The following RERE variants were observed in gnomAD, a reference collection of about 807,000 sequenced individuals.
RERE encodes arginine-glutamic acid dipeptide repeats.
RERE carries 40 observed loss-of-function variants against 146.1 expected under a neutral mutation model. The ratio of observed to expected loss-of-function variants is 0.27; its 90% CI spans 0.21 to 0.36. The LOEUF is 0.36. RERE is among the 10% of genes least tolerant of loss of function. The pLI is 1.00. For synonymous variants in RERE, 1,003 were observed against 866.0 expected, an observed-to-expected ratio of 1.16 and a Z score of -2.78; for missense variants, 1,933 against 2,138.7, an observed-to-expected ratio of 0.90 and a Z score of 1.90.
intron 1 of RERE, among the ~76,000 whole-genome samples, chr1:8,797,661 A>G (rs1569819410): frequency 6.6e-6 from 1 of 152,252 alleles, no homozygotes; most frequent in East Asian, 1.9e-4. Flanking sequence ...ATTTTCCAAA[A>G]AAGTCAGGGT....
At chr1:8,667,187 TA>T (rs1638594853) in intron 1 of RERE, among the ~76,000 whole-genome samples, 2 of 152,208 alleles carry the variant, frequency 1.3e-5, no homozygotes, top group South Asian at 4.2e-4. Flanking sequence ...GACATACTAA[TA>T]ACAAAACACA....
intron 1 of RERE, among the ~76,000 whole-genome samples, chr1:8,784,211 T>A (rs1641220516): frequency 6.6e-6 from 1 of 152,190 alleles, no homozygotes. Context: ...GCTGCAGAAC[T>A]TCACATGGCA....
At chr1:8,776,101 C>G (rs900286473) in intron 1 of RERE, among the ~76,000 whole-genome samples, 3 of 152,152 alleles carry the variant, frequency 2.0e-5, no homozygotes, top group African/African-American at 7.2e-5. Context: ...ATTAGTACAT[C>G]GCTTCCATAC....
At chr1:8,674,694 C>A (rs1215482807) in intron 1 of RERE, among the ~76,000 whole-genome samples, 3 of 152,206 alleles carry the variant, frequency 2.0e-5, no homozygotes, top group Non-Finnish European at 4.4e-5. Flanking sequence ...ACTTGACAAA[C>A]TTCCTCAATT....
chr1:8,567,857 G>A (rs1455671135), intron 4 of RERE, among the ~76,000 whole-genome samples: 1 of 152,184 alleles, frequency 6.6e-6, no homozygotes, highest in Non-Finnish European at 1.5e-5. Flanking sequence ...TGTACGTCAA[G>A]GGGACTTAGC....
intron 1 of RERE, among the ~76,000 whole-genome samples, chr1:8,771,373 A>G (rs1372357380): frequency 6.6e-6 from 1 of 151,820 alleles, no homozygotes; most frequent in Non-Finnish European, 1.5e-5. Flanking sequence ...AATACAAAAA[A>G]ATTAGCCAGA....
chr1:8,457,265 A>T (rs1644462754), intron 11 of RERE, among the ~76,000 whole-genome samples: 1 of 152,230 alleles, frequency 6.6e-6, no homozygotes, highest in Non-Finnish European at 1.5e-5. Flanking sequence ...CCCCATGCTC[A>T]GGTGGTGAGG....
At chr1:8,532,897 T>A (rs897215059) in intron 7 of RERE, among the ~76,000 whole-genome samples, 2 of 151,432 alleles carry the variant, frequency 1.3e-5, no homozygotes, top group Non-Finnish European at 3.0e-5. Flanking sequence ...CCCTGGCCCT[T>A]TTTTTTTGTA....
intron 1 of RERE, among the ~76,000 whole-genome samples, chr1:8,806,612 A>G (rs985100126): frequency 5.3e-5 from 8 of 152,124 alleles, no homozygotes; most frequent in Admixed American, 3.9e-4. Context: ...ATAATACCAT[A>G]CGTTAATATT....
intron 1 of RERE, among the ~76,000 whole-genome samples, chr1:8,791,861 C>G (rs1156436805): frequency 6.6e-6 from 1 of 152,146 alleles, no homozygotes; most frequent in East Asian, 1.9e-4. Flanking sequence ...GAAAACTTGT[C>G]AGAAACCATT....
At chr1:8,652,689 T>C (rs1269461719) in intron 2 of RERE, among the ~76,000 whole-genome samples, 1 of 152,178 alleles carries the variant, frequency 6.6e-6, no homozygotes, top group African/African-American at 2.4e-5. Context: ...CATCATATCC[T>C]GTGAGAACTC....
intron 1 of RERE, among the ~76,000 whole-genome samples, chr1:8,664,744 A>C (rs559333747): frequency 6.6e-6 from 1 of 152,150 alleles, no homozygotes; most frequent in African/African-American, 2.4e-5. Context: ...TCTCAAACTT[A>C]TACCTCCAAA....
intron 3 of RERE, among the ~76,000 whole-genome samples, chr1:8,620,445 C>A (rs1167802266): frequency 6.6e-6 from 1 of 152,200 alleles, no homozygotes. Flanking sequence ...TCTTGTCATT[C>A]AGGTAATTCT....
chr1:8,769,170 A>G (rs1640900253), intron 1 of RERE, among the ~76,000 whole-genome samples: 1 of 152,196 alleles, frequency 6.6e-6, no homozygotes, highest in African/African-American at 2.4e-5. Flanking sequence ...TTTTTACCCA[A>G]TGATTTGAGT....
intron 6 of RERE, among the ~76,000 whole-genome samples, chr1:8,552,109 G>A (rs1377864650): frequency 6.6e-6 from 1 of 152,142 alleles, no homozygotes; most frequent in Non-Finnish European, 1.5e-5. Context: ...AACTGCGAAG[G>A]GCTCAGATTT....
intron 4 of RERE, among the ~76,000 whole-genome samples, chr1:8,589,441 AAAAC>A (rs1378358045): frequency 4.6e-5 from 7 of 152,214 alleles, no homozygotes; most frequent in African/African-American, 7.2e-5. Flanking sequence ...CCCTGTCTCA[AAAAC>A]AAACAAACAA....
At chr1:8,668,973 A>G (rs1382188832) in intron 1 of RERE, among the ~76,000 whole-genome samples, 7 of 25,264 alleles carry the variant, frequency 2.8e-4, no homozygotes, top group African/African-American at 3.3e-4. Context: ...TTGTGTTTTT[A>G]AGACAGGGTC....
chr1:8,745,438 C>G (rs1181170403), intron 1 of RERE, among the ~76,000 whole-genome samples: 1 of 152,198 alleles, frequency 6.6e-6, no homozygotes, highest in Non-Finnish European at 1.5e-5. Flanking sequence ...TTTCTCTCAA[C>G]TACTGACACT....
At chr1:8,467,289 A>G (rs1241625181) in intron 10 of RERE, among the ~76,000 whole-genome samples, 1 of 152,362 alleles carries the variant, frequency 6.6e-6, no homozygotes, top group East Asian at 1.9e-4. Flanking sequence ...ATAAACCTTA[A>G]TAAGTCACAG....
Sources: allele counts gnomAD v4.1 joint callset (sites outside exome capture counted in the v4.1 genomes callset), GRCh38; gene constraint gnomAD v4.1.1; transcripts MANE v1.5; gene names NCBI Gene and HGNC (gene_info 2026-07-23, HGNC 2026-07-21).